The following COL14A1 variants were observed in gnomAD, a reference collection of about 807,000 sequenced individuals.
The protein encoded by COL14A1 is collagen type XIV alpha 1 chain.
Under a neutral mutation model 230.3 loss-of-function variants are expected in COL14A1, and 136 were observed. The observed-to-expected ratio is 0.59, with a 90% CI of 0.51 to 0.68. The LOEUF (loss-of-function observed/expected upper bound fraction) is 0.68. Among genes scored for constraint, COL14A1 ranks in the 30% least tolerant of loss-of-function variants. The pLI is 0.00. For missense variants in COL14A1, 1,976 were observed against 2,215.8 expected (o/e 0.89, Z 2.17); for synonymous variants, 792 against 784.1 (o/e 1.01, Z -0.17).
chr8:120,336,354 T>A (rs1486349721), intron 42 of COL14A1, among the ~76,000 whole-genome samples: 2 of 152,146 alleles, frequency 1.3e-5, no homozygotes, highest in African/African-American at 4.8e-5. Context: ...ACAGAAAGAT[T>A]GCATCACTTA....
intron 35 of COL14A1, among the ~76,000 whole-genome samples, chr8:120,298,478 C>A (rs1820595971): frequency 6.7e-6 from 1 of 150,264 alleles, no homozygotes; most frequent in African/African-American, 2.4e-5. Context: ...TATGTCCTAA[C>A]AACTCAGTAG....
intron 25 of COL14A1, among the ~76,000 whole-genome samples, chr8:120,269,780 C>A (rs1819603715): frequency 1.3e-5 from 2 of 151,618 alleles, no homozygotes. Flanking sequence ...GGTTGGTGGA[C>A]AGTTTTTTCT....
chr8:120,367,087 C>G, intron 45 of COL14A1, 84 bp from the exon 46 acceptor site: 1 of 1,081,528 alleles, frequency 9.2e-7, no homozygotes, highest in African/African-American at 1.6e-5. Flanking sequence ...ATCAGAGAAG[C>G]ACTTTCGAAC....
chr8:120,356,846 A>G (rs1334941177), intron 45 of COL14A1, among the ~76,000 whole-genome samples: 1 of 151,998 alleles, frequency 6.6e-6, no homozygotes, highest in Non-Finnish European at 1.5e-5. Context: ...TTTTCCACCC[A>G]GGACTCATCT....
chr8:120,276,066 T>C (rs1418694478), intron 26 of COL14A1, among the ~76,000 whole-genome samples: 1 of 151,542 alleles, frequency 6.6e-6, no homozygotes, highest in Non-Finnish European at 1.5e-5. Flanking sequence ...AATGCAAAGA[T>C]ATAGAACCAA....
intron 45 of COL14A1, among the ~76,000 whole-genome samples, chr8:120,347,217 GAAA>G (rs1322205105): frequency 6.6e-6 from 1 of 152,106 alleles, no homozygotes; most frequent in Non-Finnish European, 1.5e-5. Context: ...TTAGACCACA[GAAA>G]AATCACCCAA....
chr8:120,258,373 A>G (rs1008821602), intron 23 of COL14A1, among the ~76,000 whole-genome samples: 2 of 152,172 alleles, frequency 1.3e-5, no homozygotes, highest in African/African-American at 4.8e-5. Flanking sequence ...GAACTGAGTC[A>G]TATTGGCCTG....
intron 44 of COL14A1, among the ~76,000 whole-genome samples, chr8:120,342,657 C>A (rs1488468476): frequency 6.6e-6 from 1 of 152,124 alleles, no homozygotes; most frequent in African/African-American, 2.4e-5. Context: ...AAGCCAAATT[C>A]CTTTGTGTCA....
At chr8:120,171,352 C>T (rs1181455126) in intron 5 of COL14A1, among the ~76,000 whole-genome samples, 1 of 152,122 alleles carries the variant, frequency 6.6e-6, no homozygotes, top group African/African-American at 2.4e-5. Flanking sequence ...GATTTGCCCA[C>T]GAAGTTATTT....
Position 120,358,557 on chromosome 8 carries a change from C to T in COL14A1, c.5078-8614C>T, listed in dbSNP as rs903512311. ...TCATGGTGACAGCAGATTACTGCCA[C>T]GTGAACAATGTAAGCATTTCCTTTC... On this transcript the variant is annotated intron_variant, in intron 45 of 47. Coordinates refer to ENST00000297848, the MANE Select transcript of COL14A1 (RefSeq NM_021110.4). Among the ~76,000 whole-genome samples, 4 of 151,664 alleles carry T rather than the reference C, an allele frequency of 2.6e-5. No individual in the cohort carries two copies. In the East Asian group the frequency reaches 5.8e-4, roughly 22 times the overall value.
rs76873540 is a variant in COL14A1, at chr8:120,229,056, C to A, written c.2197+287C>A. On this transcript the variant is annotated intron_variant, in intron 18 of 47. Coordinates refer to ENST00000297848, the MANE Select transcript of COL14A1 (RefSeq NM_021110.4). ...CCTGGGATGTTAACGTAGCTGCCTC[C>A]CCAGGGGTCTTTGCCCTCCTCTTTT... 8.2e-3 allele frequency among the ~76,000 whole-genome samples: 1,235 copies of A among 151,104 alleles called. 17 individuals carry two copies. The highest frequency in any genetic ancestry group is 0.029 in the African/African-American group (1,177 of 41,058).
intron 23 of COL14A1, among the ~76,000 whole-genome samples, chr8:120,256,711 T>C (rs1819162744): frequency 6.6e-6 from 1 of 152,228 alleles, no homozygotes. Context: ...GAAACAACTA[T>C]GAAATCTTGA....
chr8:120,296,887 T>A (rs1474274583), intron 34 of COL14A1, among the ~76,000 whole-genome samples: 4 of 151,978 alleles, frequency 2.6e-5, no homozygotes, highest in Non-Finnish European at 5.9e-5. Flanking sequence ...TTGTGTACCA[T>A]ATTTATGTGC....
At chr8:120,367,647 C>T (rs912287590) in intron 46 of COL14A1, among the ~76,000 whole-genome samples, 1 of 151,946 alleles carries the variant, frequency 6.6e-6, no homozygotes, top group Non-Finnish European at 1.5e-5. Context: ...AAAAAGAAGG[C>T]ACATCGGGCT....
intron 32 of COL14A1, 70 bp from the exon 33 acceptor site, chr8:120,285,791 G>A: frequency 1.0e-6 from 1 of 996,524 alleles, no homozygotes. Context: ...TTTGTTTTGA[G>A]TTGAATTTTA....
intron 14 of COL14A1, 148 bp downstream of exon 14, chr8:120,216,638 G>C: frequency 2.4e-6 from 2 of 836,052 alleles, no homozygotes; most frequent in East Asian, 6.0e-5. Context: ...GTCAGGAATT[G>C]GGGTGTGGAT....
chr8:120,191,854 G>A (rs1008852876), intron 5 of COL14A1, among the ~76,000 whole-genome samples: 99 of 152,174 alleles, frequency 6.5e-4, no homozygotes, highest in African/African-American at 2.1e-3. Flanking sequence ...TTTATCAGAG[G>A]CTAGGATTGC....
Position 120,372,477 on chromosome 8 carries a change from G to T in COL14A1, c.*1246G>T, listed in dbSNP as rs1812192091. On this transcript the variant is annotated 3_prime_UTR_variant, in exon 48 of 48. Transcript: ENST00000297848. The stretch of plus-strand genomic sequence containing the variant: ...AGGAAAAATCTAGGTATTTGAGAAA[G>T]ATTTGAATTCTATTATGTGCTAGTT... Among the ~76,000 whole-genome samples, 2 of 152,124 alleles carry T rather than the reference G, an allele frequency of 1.3e-5. No individual in the cohort carries two copies. Among genetic ancestry groups the T allele is most frequent in the Admixed American group, 1.3e-4 (2 of 15,270 alleles).
Position 120,163,538 on chromosome 8 carries a change from C to T in COL14A1, c.349+969C>T, listed in dbSNP as rs375640887. Among the ~76,000 whole-genome samples, 68 of 152,098 alleles carry T rather than the reference C, an allele frequency of 4.5e-4. No individual in the cohort carries two copies. In the East Asian group the frequency reaches 6.4e-3, roughly 14 times the overall value. On this transcript the variant is annotated intron_variant, in intron 4 of 47. Coordinates refer to ENST00000297848, the MANE Select transcript of COL14A1 (RefSeq NM_021110.4). ...CAGCACTTTGGGAGGCCGAGGCGGG[C>T]GGATCACCTGAGGTCAGGAGTTCGA... is the stretch of plus-strand genomic sequence containing the variant.
Sources: gnomAD v4.1 joint callset for allele counts (sites outside exome capture counted in the v4.1 genomes callset) on GRCh38, gnomAD v4.1.1 for gene constraint, MANE v1.5 for transcripts, NCBI Gene and HGNC (gene_info 2026-07-23, HGNC 2026-07-21) for gene names.